The following TNFRSF21 variants were observed in gnomAD, a reference collection of about 807,000 sequenced individuals.
TNFRSF21 encodes TNF receptor superfamily member 21.
Under a neutral mutation model 45.6 loss-of-function variants are expected in TNFRSF21, and 19 were observed. That is an observed-to-expected ratio of 0.42 (90% CI 0.29 to 0.61). The LOEUF is 0.61. Ranked by LOEUF, TNFRSF21 falls within the 20% of genes least tolerant of loss-of-function variation. The pLI, the probability that TNFRSF21 is intolerant of heterozygous loss-of-function variation, is 0.23. For synonymous variants in TNFRSF21, 314 were observed against 335.5 expected (o/e 0.94, Z 0.70); for missense variants, 737 against 851.5 (o/e 0.87, Z 1.67).
intron 3 of TNFRSF21, among the ~76,000 whole-genome samples, chr6:47,280,823 T>A (rs1230123531): frequency 6.6e-6 from 1 of 152,206 alleles, no homozygotes; most frequent in Non-Finnish European, 1.5e-5. Flanking sequence ...AAAACCAGAC[T>A]GCAAAAGAGA....
intron 1 of TNFRSF21, among the ~76,000 whole-genome samples, chr6:47,305,140 G>A (rs1331429807): frequency 1.3e-5 from 2 of 152,108 alleles, no homozygotes; most frequent in African/African-American, 4.8e-5. Context: ...CATTCATCCA[G>A]TGATTCCACA....
intron 1 of TNFRSF21, among the ~76,000 whole-genome samples, chr6:47,302,101 C>T (rs1762871601): frequency 6.6e-6 from 1 of 152,154 alleles, no homozygotes; most frequent in African/African-American, 2.4e-5. Context: ...TTTCCTCTCA[C>T]CCTTTGCCTT....
chr6:47,300,164 C>T (rs933185430), intron 1 of TNFRSF21, among the ~76,000 whole-genome samples: 5 of 152,170 alleles, frequency 3.3e-5, no homozygotes, highest in African/African-American at 4.8e-5. Flanking sequence ...CTTGAACTGA[C>T]GTGAATCACA....
At chr6:47,238,166 G>T (rs1433022178) in intron 4 of TNFRSF21, among the ~76,000 whole-genome samples, 1 of 152,230 alleles carries the variant, frequency 6.6e-6, no homozygotes, top group Non-Finnish European at 1.5e-5. Context: ...CCTTGAAAAT[G>T]TTGTGGCTGT....
At position 47,231,887 on chromosome 6, in the gene TNFRSF21, G is replaced by C. The variant is rs943415991; in HGVS notation, c.*878C>G. On this transcript the variant is annotated 3_prime_UTR_variant, in exon 6 of 6. Transcript: ENST00000296861. ...ATTCTCTATGGAAAGGGCGCCACTG[G>C]CACTTGATTTTGACTTTCCAAAGTG... The C allele has an allele frequency of 1.3e-5, 2 of 152,594 alleles. No homozygotes were observed. Among genetic ancestry groups the C allele is most frequent in the African/African-American group, 2.4e-5 (1 of 41,450 alleles). The allele number at this position is 152,594 out of a possible 1,614,324, so 9.5% of individuals were successfully genotyped here.
intron 1 of TNFRSF21, among the ~76,000 whole-genome samples, chr6:47,294,400 C>T (rs1273096213): frequency 6.6e-6 from 1 of 152,222 alleles, no homozygotes; most frequent in Non-Finnish European, 1.5e-5. Context: ...CCTCAGCCTT[C>T]CAAAGTGCTG....
intron 1 of TNFRSF21, among the ~76,000 whole-genome samples, chr6:47,303,594 T>G (rs1481153256): frequency 6.6e-6 from 1 of 152,202 alleles, no homozygotes; most frequent in Non-Finnish European, 1.5e-5. Flanking sequence ...TACTATTGCT[T>G]TGAGTCAACA....
chr6:47,298,987 CA>C (rs1762830810), intron 1 of TNFRSF21, among the ~76,000 whole-genome samples: 1 of 152,158 alleles, frequency 6.6e-6, no homozygotes, highest in Non-Finnish European at 1.5e-5. Flanking sequence ...TACTATCTTG[CA>C]GAACATACTA....
intron 4 of TNFRSF21, among the ~76,000 whole-genome samples, chr6:47,247,914 G>A (rs1582320265): frequency 1.3e-5 from 2 of 152,180 alleles, no homozygotes; most frequent in East Asian, 3.9e-4. Context: ...ATTGGCGGTG[G>A]GTCCACTGGT....
Position 47,284,194 on chromosome 6 carries a change from C to A in TNFRSF21, c.987G>T (p.Lys329Asn), listed in dbSNP as rs1762614336. Residue 329 changes from lysine (K) to asparagine (N), a missense_variant, in exon 3 of 6, where the codon AAG becomes AAT. Coordinates refer to ENST00000296861, the MANE Select transcript of TNFRSF21 (RefSeq NM_014452.5). ...TGGEKSSTPIKGPKRGHPRQN... is the reference protein window; with the variant it reads ...TGGEKSSTPINGPKRGHPRQN... ...GTCTAGGATGTCCCCTCTTGGGGCC[C>A]TTGATGGGCGTGCTGGACTTCTCGC... 4 of 1,614,108 alleles carry A rather than the reference C, an allele frequency of 2.5e-6. No individual in the cohort carries two copies. In the South Asian group the frequency reaches 4.4e-5, roughly 18 times the overall value.
intron 1 of TNFRSF21, among the ~76,000 whole-genome samples, chr6:47,287,307 C>CAAAAAAAAAA (rs1164380285): frequency 9.6e-5 from 2 of 20,874 alleles, no homozygotes; most frequent in African/African-American, 1.2e-4. Context: ...AACTCTTTCT[C>CAAAAAAAAAA]AAAAAAAAAA....
chr6:47,257,051 T>A (rs1764999034), intron 3 of TNFRSF21, among the ~76,000 whole-genome samples: 2 of 152,146 alleles, frequency 1.3e-5, no homozygotes. Flanking sequence ...AGTGTTCCCA[T>A]CATTATGAAA....
chr6:47,304,275 C>A (rs999429159), intron 1 of TNFRSF21, among the ~76,000 whole-genome samples: 26 of 142,408 alleles, frequency 1.8e-4, no homozygotes, highest in African/African-American at 7.0e-4. Flanking sequence ...CGGATCATTT[C>A]GTGTCACCAA....
chr6:47,278,389 A>G (rs1561947357), intron 3 of TNFRSF21, among the ~76,000 whole-genome samples: 1 of 152,212 alleles, frequency 6.6e-6, no homozygotes, highest in South Asian at 2.1e-4. Flanking sequence ...GATGATGGCA[A>G]TGTCCTTTAT....
intron 3 of TNFRSF21, among the ~76,000 whole-genome samples, chr6:47,258,595 T>C (rs979563055): frequency 4.6e-5 from 7 of 151,892 alleles, no homozygotes; most frequent in African/African-American, 1.7e-4. Flanking sequence ...GTGTTCACCA[T>C]GCCCGGCTAA....
intron 3 of TNFRSF21, among the ~76,000 whole-genome samples, chr6:47,257,430 T>C (rs551698041): frequency 2.9e-4 from 44 of 151,914 alleles, no homozygotes; most frequent in African/African-American, 9.4e-4. Context: ...CACCGTGGAG[T>C]TGATAAATCA....
At chr6:47,288,105 C>T (rs9463321) in intron 1 of TNFRSF21, among the ~76,000 whole-genome samples, 15,256 of 107,388 alleles carry the variant, frequency 0.14, 1,278 homozygotes, top group African/African-American at 0.28. Context: ...TATGCAACAA[C>T]GCTTATAGCA....
intron 1 of TNFRSF21, among the ~76,000 whole-genome samples, chr6:47,297,894 G>A (rs1762812909): frequency 6.6e-6 from 1 of 152,086 alleles, no homozygotes; most frequent in Non-Finnish European, 1.5e-5. Context: ...AAAGACTTCA[G>A]ATTTTTAAAA....
chr6:47,251,430 G>C (rs1214357526), intron 4 of TNFRSF21, among the ~76,000 whole-genome samples: 1 of 152,148 alleles, frequency 6.6e-6, no homozygotes, highest in African/African-American at 2.4e-5. Flanking sequence ...AATAATTAAG[G>C]TGTACAAGAG....
Sources: gnomAD v4.1 joint callset for allele counts (sites outside exome capture counted in the v4.1 genomes callset) on GRCh38, gnomAD v4.1.1 for gene constraint, MANE v1.5 for transcripts, NCBI Gene and HGNC (gene_info 2026-07-23, HGNC 2026-07-21) for gene names.